ASIC1: variants seen among roughly 807,000 people sequenced by gnomAD.
The protein encoded by ASIC1 is acid-sensing ion channel 1.
A neutral mutation model predicts 63.4 loss-of-function variants in ASIC1; 21 were observed. The ratio of observed to expected loss-of-function variants is 0.33; its 90% CI spans 0.23 to 0.48. The LOEUF is 0.48. ASIC1 is among the 20% of genes least tolerant of loss of function. ASIC1 has a pLI of 0.99. For synonymous variants in ASIC1, 258 were observed against 278.2 expected, an observed-to-expected ratio of 0.93 and a Z score of 0.72; for missense variants, 478 against 695.5, an observed-to-expected ratio of 0.69 and a Z score of 3.52.
At position 50,074,194 on chromosome 12, in the gene ASIC1, C is replaced by G; in HGVS notation, c.559-3019C>G. The G allele has an allele frequency of 6.5e-7, 1 of 1,527,422 alleles. No homozygotes were observed. The highest frequency in any genetic ancestry group is 8.8e-7 in the Non-Finnish European group (1 of 1,142,262). 94.6% of individuals were successfully genotyped at this position (1,527,422 alleles called of 1,614,324 possible). On this transcript the variant is annotated intron_variant, in intron 3 of 11. Coordinates refer to ENST00000447966, the MANE Select transcript of ASIC1 (RefSeq NM_001095.4). This position sits in a 1 kb window ranked among gnomAD's most constrained non-coding sequence, Gnocchi z 4.2. The stretch of plus-strand genomic sequence containing the variant: ...CTGCCACCGGCTGGAGGACATGCTG[C>G]TCTATTGCTCCTACCAAGGGGGACC...
Position 50,078,437 on chromosome 12 carries a change from C to T in ASIC1, c.854C>T (p.Pro285Leu). ...CQEQRLIYLP[P>L]PWGTCKAVTM... Reference sequence around the variant, plus strand: ...TCCCAGCAGCTCATCTACCTGCCCCCACCCTGGGGCACCTGCAAAGCTGTT... The same window carrying T: ...TCCCAGCAGCTCATCTACCTGCCCCTACCCTGGGGCACCTGCAAAGCTGTT... The change falls in exon 6 of 12, where the codon CCA (proline) becomes CTA (leucine). Residue 285 changes from proline (P) to leucine (L), a missense_variant. This residue lies in a region of ASIC1 where 290 missense variants were observed against 414.9 expected (regional missense o/e 0.70). Coordinates refer to ENST00000447966, the MANE Select transcript of ASIC1 (RefSeq NM_001095.4). This position sits in a 1 kb window ranked among gnomAD's most constrained non-coding sequence, Gnocchi z 6.0. The T allele has an allele frequency of 6.2e-7, 1 of 1,614,076 alleles. No homozygotes were observed. Among genetic ancestry groups the T allele is most frequent in the South Asian group, 1.1e-5 (1 of 91,086 alleles).
chr12:50,062,880 TG>T (rs1418987516), intron 3 of ASIC1, among the ~76,000 whole-genome samples: 1 of 152,090 alleles, frequency 6.6e-6, no homozygotes, highest in Non-Finnish European at 1.5e-5. Context: ...ATCCCCCAGG[TG>T]TGGCTGAGTC....
rs770367184 is a variant in ASIC1 at position 50,059,877 on chromosome 12, G to A, written c.481G>A (p.Ala161Thr). Residue 161 changes from alanine to threonine, a missense_variant, in exon 3 of 12, where the codon GCT (alanine) becomes ACT (threonine). Around this residue, in one of 3 missense-constraint regions of ASIC1, gnomAD observed 290 missense variants for 414.9 expected, o/e 0.70. Coordinates refer to ENST00000447966, the MANE Select transcript of ASIC1 (RefSeq NM_001095.4). This position sits in a 1 kb window ranked among gnomAD's most constrained non-coding sequence, Gnocchi z 4.6. ...CAACATGCGTGAGTTCTACGACCGAGCTGGGCACGACATTCGAGACATGCT... is the reference window on the plus strand; with the variant it reads ...CAACATGCGTGAGTTCTACGACCGAACTGGGCACGACATTCGAGACATGCT... The part of the protein sequence containing the change: ...PFNMREFYDR[A>T]GHDIRDMLLS... 2 of 1,614,176 alleles carry A rather than the reference G, an allele frequency of 1.2e-6. No homozygotes were observed. Among genetic ancestry groups the A allele is most frequent in the South Asian group, 2.2e-5 (2 of 91,086 alleles).
chr12:50,083,044 T>G lies in ASIC1; in HGVS notation c.*1395T>G, dbSNP rs1483278936. The G allele has an allele frequency of 6.5e-6, 1 of 152,710 alleles. No homozygotes were observed. Among genetic ancestry groups the G allele is most frequent in the Non-Finnish European group, 1.5e-5 (1 of 68,092 alleles). 9.5% of individuals were successfully genotyped at this position (152,710 alleles called of 1,614,324 possible). On this transcript the variant is annotated 3_prime_UTR_variant, in exon 12 of 12. Transcript: ENST00000447966. ...TACCCTGGACACTAAGCCAAGTGTG[T>G]CAGAGACAGAAGGGAGCTGGGGATT...
Position 50,074,321 on chromosome 12 carries a change from TTGGGGCTGGGGC to T in ASIC1, c.559-2877_559-2866del, listed in dbSNP as rs1357365634. ...TGTCCCTGACTGTCACCTCCTGGGG[TTGGGGCTGGGGC>T]TGGGGCTGGGGCTGATGACTGTGCT... On this transcript the variant is annotated intron_variant, in intron 3 of 11. Transcript: ENST00000447966. The surrounding 1 kb of genome is among the most constrained non-coding windows in gnomAD (Gnocchi z 4.2). 20 of 1,431,066 alleles carry T rather than the reference TTGGGGCTGGGGC, an allele frequency of 1.4e-5. No individual in the cohort carries two copies. The highest frequency in any genetic ancestry group is 6.0e-5 in the South Asian group (4 of 67,028). 88.6% of individuals were successfully genotyped at this position (1,431,066 alleles called of 1,614,324 possible). A position where few individuals can be genotyped will look rare whatever the true frequency, so the allele number is the denominator to read the frequency against.
chr12:50,078,778 G>C lies in ASIC1; in HGVS notation c.995-146G>C. On this transcript the variant is annotated intron_variant, in intron 6 of 11. Coordinates refer to ENST00000447966, the MANE Select transcript of ASIC1 (RefSeq NM_001095.4). This position sits in a 1 kb window ranked among gnomAD's most constrained non-coding sequence, Gnocchi z 6.0. ...AGGGTCTAGAAGGTATGGACCTGGA[G>C]TGGGTCACTTCTGGGGCAGCATGGG... is the stretch of plus-strand genomic sequence containing the variant. 2 of 1,306,084 alleles carry C rather than the reference G, an allele frequency of 1.5e-6. No individual in the cohort carries two copies. Among genetic ancestry groups the C allele is most frequent in the Middle Eastern group, 3.7e-4 (2 of 5,430 alleles). The allele number at this position is 1,306,084 out of a possible 1,614,324, so 80.9% of individuals were successfully genotyped here.
At chr12:50,073,534 C>T in intron 3 of ASIC1, 1 of 1,459,532 alleles carries the variant, frequency 6.9e-7, no homozygotes, top group South Asian at 1.4e-5. Context: ...CCCTCTGGCA[C>T]CTTCCCCCTT....
intron 1 of ASIC1, among the ~76,000 whole-genome samples, 176 bp downstream of exon 1, chr12:50,058,092 C>T (rs1364287004): frequency 2.0e-5 from 3 of 151,182 alleles, no homozygotes; most frequent in African/African-American, 7.3e-5. Context: ...GGGCTGCGTC[C>T]GGGGCGGGGA....
At position 50,058,947 on chromosome 12, in the gene ASIC1, T is replaced by G. The variant is rs771111844; in HGVS notation, c.181T>G (p.Cys61Gly). 1.9e-6 allele frequency: 3 copies of G among 1,614,108 alleles called. No homozygotes were observed. The highest frequency in any genetic ancestry group is 2.5e-6 in the Non-Finnish European group (3 of 1,179,962). Reference sequence around the variant, plus strand: ...CTCCCTGGCTGTGCTGCTGTGTGTGTGCACGGAGCGTGTGCAGTACTACTT... The same window carrying G: ...CTCCCTGGCTGTGCTGCTGTGTGTGGGCACGGAGCGTGTGCAGTACTACTT... ...LGSLAVLLCV[C>G]TERVQYYFHY... The change falls in exon 2 of 12, where the codon TGC (cysteine) becomes GGC (glycine). Residue 61 changes from cysteine (C) to glycine (G), a missense_variant. Cys to Gly is a radical substitution (Grantham distance 159). This residue lies in a region of ASIC1 where 290 missense variants were observed against 414.9 expected (regional missense o/e 0.70). Coordinates refer to ENST00000447966, the MANE Select transcript of ASIC1 (RefSeq NM_001095.4).
At position 50,059,859 on chromosome 12, in the gene ASIC1, C is replaced by G; in HGVS notation, c.463C>G (p.Arg155Gly). ...CTTCAAACCCAAACCCTTCAACATG[C>G]GTGAGTTCTACGACCGAGCTGGGCA... is the stretch of plus-strand genomic sequence containing the variant. ...RSFKPKPFNM[R>G]EFYDRAGHDI... Residue 155 changes from arginine (R) to glycine (G), a missense_variant, in exon 3 of 12, where the codon CGT becomes GGT. Arg to Gly is a moderately radical substitution (Grantham distance 125, BLOSUM62 -2). Around this residue, in one of 3 missense-constraint regions of ASIC1, gnomAD observed 290 missense variants for 414.9 expected, o/e 0.70. Transcript: ENST00000447966. The surrounding 1 kb of genome is among the most constrained non-coding windows in gnomAD (Gnocchi z 4.6). The G allele has an allele frequency of 1.2e-6, 2 of 1,614,194 alleles. No homozygotes were observed. The highest frequency in any genetic ancestry group is 1.1e-5 in the South Asian group (1 of 91,082).
rs653576 is a variant in ASIC1, at chr12:50,058,925, C to T, written c.159C>T (p.Ser53=). 4 of 1,614,160 alleles carry T rather than the reference C, an allele frequency of 2.5e-6. No homozygotes were observed. The South Asian group carries it at 3.3e-5, about 13-fold the overall frequency. The change falls in exon 2 of 12, where the codon TCC becomes TCT. Residue 53 remains serine (S), a synonymous_variant. Coordinates refer to ENST00000447966, the MANE Select transcript of ASIC1 (RefSeq NM_001095.4). ...TGTGGGCCCTGTGCTTCCTGGGCTC[C>T]CTGGCTGTGCTGCTGTGTGTGTGCA... is the stretch of plus-strand genomic sequence containing the variant. ...RALWALCFLG[S]LAVLLCVCTE... is the part of the protein sequence containing the mutation.
In ASIC1 at chr12:50,081,333, T is replaced by G; in HGVS notation, c.1451T>G (p.Val484Gly). ...AAAAGGAGCAGTGCGGACAAGGGCG[T>G]GGCCCTCAGCCTGGACGACGTCAAA... ...EAKRSSADKG[V>G]ALSLDDVKRH... Residue 484 changes from valine to glycine, a missense_variant, in exon 11 of 12, where the codon GTG (valine) becomes GGG (glycine). This residue lies in a region of ASIC1 where 104 missense variants were observed against 97.0 expected (regional missense o/e 1.07). Transcript: ENST00000447966. 6.2e-7 allele frequency: 1 copy of G among 1,609,854 alleles called. No homozygotes were observed. Among genetic ancestry groups the G allele is most frequent in the South Asian group, 1.1e-5 (1 of 90,228 alleles).
Position 50,078,309 on chromosome 12 carries a change from C to T in ASIC1, c.838-112C>T. 5.2e-6 allele frequency: 8 copies of T among 1,524,406 alleles called. No homozygotes were observed. Among genetic ancestry groups the T allele is most frequent in the Non-Finnish European group, 7.1e-6 (8 of 1,123,484 alleles). The allele number at this position is 1,524,406 out of a possible 1,614,324, so 94.4% of individuals were successfully genotyped here. A position where few individuals can be genotyped will look rare whatever the true frequency, so the allele number is the denominator to read the frequency against. ...TAAACTCTGAGACCTTTGGAGGCTG[C>T]AGAGGGAGAGGGGAGCAGAACTCCA... On this transcript the variant is annotated intron_variant, in intron 5 of 11. Transcript: ENST00000447966. This position sits in a 1 kb window ranked among gnomAD's most constrained non-coding sequence, Gnocchi z 6.0.
In ASIC1 at chr12:50,059,760, T is replaced by C; in HGVS notation, c.364T>C (p.Tyr122His). Reference protein sequence around the residue: ...GELLALLNNRYEIPDTQMADE... With the variant: ...GELLALLNNRHEIPDTQMADE... ...GTGTCACTCACCCCCGGACCCCAGG[T>C]ATGAGATACCAGACACACAGATGGC... Residue 122 changes from tyrosine (Y) to histidine (H), a missense_variant and splice_region_variant, in exon 3 of 12, where the codon TAT (tyrosine) becomes CAT (histidine). Physicochemically the swap from Tyr to His is moderately conservative, Grantham distance 83. Transcript: ENST00000447966. This position sits in a 1 kb window ranked among gnomAD's most constrained non-coding sequence, Gnocchi z 4.6. 1 of 1,612,608 alleles carries C rather than the reference T, an allele frequency of 6.2e-7. No homozygotes were observed. The highest frequency in any genetic ancestry group is 8.5e-7 in the Non-Finnish European group (1 of 1,179,240).
chr12:50,071,760 CT>C (rs1477483318), intron 3 of ASIC1, among the ~76,000 whole-genome samples: 2 of 152,194 alleles, frequency 1.3e-5, no homozygotes, highest in South Asian at 2.1e-4. Flanking sequence ...ATTCTTCTGC[CT>C]CAACCTCCCA....
intron 7 of ASIC1, 76 bp from the exon 8 acceptor site, chr12:50,079,826 A>G: frequency 6.6e-7 from 1 of 1,514,724 alleles, no homozygotes; most frequent in African/African-American, 1.4e-5. Context: ...CTCTGGGCAG[A>G]GCTAGGATGT....
intron 3 of ASIC1, among the ~76,000 whole-genome samples, chr12:50,067,487 G>A (rs1950557089): frequency 6.7e-6 from 1 of 149,174 alleles, no homozygotes; most frequent in Middle Eastern, 3.2e-3. Flanking sequence ...TCAGCTCACT[G>A]CAACCTCCGC....
chr12:50,076,399 G>A (rs1950655052), intron 3 of ASIC1, among the ~76,000 whole-genome samples: 1 of 151,956 alleles, frequency 6.6e-6, no homozygotes, highest in South Asian at 2.1e-4. Flanking sequence ...CCCAGGAGGC[G>A]GAAGTTGCAG....
chr12:50,067,082 A>G (rs1950551967), intron 3 of ASIC1, among the ~76,000 whole-genome samples: 1 of 146,316 alleles, frequency 6.8e-6, no homozygotes, highest in African/African-American at 2.5e-5. Context: ...AGAACTTGCT[A>G]TGTATCGGTC....
Sources: gnomAD v4.1 joint callset for allele counts (sites outside exome capture counted in the v4.1 genomes callset) on GRCh38, gnomAD v4.1.1 for gene constraint, gnomAD v4.1.1 regional missense constraint, Gnocchi (gnomAD v3.1) non-coding constraint, MANE v1.5 for transcripts, NCBI Gene and HGNC (gene_info 2026-07-23, HGNC 2026-07-21) for gene names.